CYP4X1: variants seen among roughly 807,000 people sequenced by gnomAD.
CYP4X1 encodes the protein cytochrome P450 4X1.
Under a neutral mutation model 57.9 loss-of-function variants are expected in CYP4X1, and 44 were observed. That is an observed-to-expected ratio of 0.76 (90% CI 0.60 to 0.98). The LOEUF (loss-of-function observed/expected upper bound fraction) is 0.98, where lower values mean the gene tolerates loss of function less well. Among genes scored for constraint, CYP4X1 ranks in the 50% least tolerant of loss-of-function variants. The pLI is 0.00. For synonymous variants in CYP4X1, 227 were observed against 228.6 expected, an observed-to-expected ratio of 0.99 and a Z score of 0.06; for missense variants, 532 against 623.9, an observed-to-expected ratio of 0.85 and a Z score of 1.57.
the CYP4X1 span, among the ~76,000 whole-genome samples, chr1:46,975,589 T>C: frequency 4.6e-5 from 7 of 152,102 alleles, no homozygotes; most frequent in South Asian, 6.2e-4. Context: ...TCTAGCTGCA[T>C]TTCATATGTT....
chr1:47,014,984 CT>C, the CYP4X1 span, among the ~76,000 whole-genome samples: 1 of 152,130 alleles, frequency 6.6e-6, no homozygotes, highest in Non-Finnish European at 1.5e-5. Flanking sequence ...TAGGGGTAGT[CT>C]TTTTTGTTTT....
At chr1:47,005,862 T>C in the CYP4X1 span, among the ~76,000 whole-genome samples, 3 of 152,224 alleles carry the variant, frequency 2.0e-5, no homozygotes, top group Admixed American at 1.3e-4. Context: ...CAAAACAAAA[T>C]GATTTGACTT....
chr1:47,000,955 T>C, the CYP4X1 span: 1 of 174,384 alleles, frequency 5.7e-6, no homozygotes, highest in Non-Finnish European at 1.3e-5. Context: ...TATCCCATTG[T>C]TGAATTTCAA....
At chr1:47,020,280 A>G (rs1225274237), upstream of CYP4X1, among the ~76,000 whole-genome samples, 2 of 152,218 alleles carry the variant, frequency 1.3e-5, no homozygotes, top group Non-Finnish European at 1.5e-5. Flanking sequence ...CCTAAGCCAC[A>G]TGAAGGCAGG....
intron 1 of CYP4X1, among the ~76,000 whole-genome samples, chr1:47,027,481 T>C (rs1353103699): frequency 1.3e-5 from 2 of 152,196 alleles, no homozygotes; most frequent in East Asian, 1.9e-4. Context: ...CTAACATTTA[T>C]TATTTATTTG....
At chr1:46,984,947 A>C in the CYP4X1 span, among the ~76,000 whole-genome samples, 1 of 152,194 alleles carries the variant, frequency 6.6e-6, no homozygotes, top group African/African-American at 2.4e-5. Context: ...CAGCAAGCTG[A>C]GATCCACTGA....
chr1:47,045,013 C>T (rs922696669), intron 8 of CYP4X1, among the ~76,000 whole-genome samples: 4 of 152,078 alleles, frequency 2.6e-5, no homozygotes, highest in South Asian at 2.1e-4. Flanking sequence ...TTAGTAGAGA[C>T]GGGGTTTCTC....
In CYP4X1 at chr1:47,035,975, C is replaced by CACA. The variant is rs1644175835; in HGVS notation, c.620+42_621-41insACA. On this transcript the variant is annotated intron_variant, in intron 5 of 11. Transcript: ENST00000371901. ...CAAAAAAGATATTTCTTCACATTTT[C>CACA]TAAGTTGTTTATTAACACATTATCC... The CACA allele has an allele frequency of 2.5e-6, 4 of 1,611,192 alleles. No individual in the cohort carries two copies. In the African/African-American group the frequency reaches 5.3e-5, roughly 22 times the overall value.
chr1:46,994,290 A>G, the CYP4X1 span: 1 of 152,156 alleles, frequency 6.6e-6, no homozygotes, highest in African/African-American at 2.4e-5. Flanking sequence ...ATTGGTCTAT[A>G]TATCTGTTTT....
the CYP4X1 span, among the ~76,000 whole-genome samples, chr1:46,969,599 A>T: frequency 6.6e-6 from 1 of 152,212 alleles, no homozygotes; most frequent in Non-Finnish European, 1.5e-5. Context: ...TCTACTATTT[A>T]CATTGTTTTT....
chr1:46,968,408 C>G, the CYP4X1 span, among the ~76,000 whole-genome samples: 1 of 152,188 alleles, frequency 6.6e-6, no homozygotes, highest in Non-Finnish European at 1.5e-5. Context: ...CCTAATGCCC[C>G]AGCTGTCAGC....
intron 1 of CYP4X1, among the ~76,000 whole-genome samples, chr1:47,027,159 C>G (rs2148504902): frequency 6.6e-6 from 1 of 151,556 alleles, no homozygotes; most frequent in East Asian, 1.9e-4. Flanking sequence ...CACATTCCCT[C>G]TTGACTGTCA....
At chr1:47,036,197 C>T (rs1309786466) in intron 6 of CYP4X1, 26 bp downstream of exon 6, 9 of 1,587,592 alleles carry the variant, frequency 5.7e-6, no homozygotes, top group South Asian at 3.4e-5. Flanking sequence ...GGGTTGCCCA[C>T]GTCCATACGC....
the CYP4X1 span, chr1:46,961,567 A>T: frequency 4.8e-6 from 6 of 1,237,380 alleles, no homozygotes; most frequent in African/African-American, 4.7e-5. Flanking sequence ...CTTCCTGAGA[A>T]CAAAGGGCTC....
At chr1:47,006,593 T>G in the CYP4X1 span, among the ~76,000 whole-genome samples, 3 of 152,108 alleles carry the variant, frequency 2.0e-5, no homozygotes, top group Non-Finnish European at 4.4e-5. Context: ...TTCAGGACAG[T>G]GGATGCAACA....
the CYP4X1 span, among the ~76,000 whole-genome samples, chr1:46,999,481 C>A: frequency 1.3e-5 from 2 of 151,842 alleles, no homozygotes; most frequent in Non-Finnish European, 2.9e-5. Flanking sequence ...GTTCATCTAC[C>A]TAGTGGTCTA....
the CYP4X1 span, among the ~76,000 whole-genome samples, chr1:46,983,189 A>G: frequency 1.3e-5 from 2 of 152,214 alleles, no homozygotes; most frequent in South Asian, 4.1e-4. Flanking sequence ...AAGGGTGGGT[A>G]TTGCTGCAGT....
At chr1:47,023,450 T>G, upstream of CYP4X1, 1 of 883,548 alleles carries the variant, frequency 1.1e-6, no homozygotes, top group Non-Finnish European at 1.4e-6. Context: ...TGCATAGCCA[T>G]TTATAATTTG....
chr1:47,052,965 T>C (rs147580398), downstream of CYP4X1, among the ~76,000 whole-genome samples: 10,954 of 152,120 alleles, frequency 0.072, 506 homozygotes, highest in East Asian at 0.22. Flanking sequence ...ATGTGCACAA[T>C]GTGCAGGTTT....
Sources: allele counts gnomAD v4.1 joint callset (sites outside exome capture counted in the v4.1 genomes callset), GRCh38; gene constraint gnomAD v4.1.1; transcripts MANE v1.5; gene names NCBI Gene and HGNC (gene_info 2026-07-23, HGNC 2026-07-21).